GPBP1: variants seen among roughly 807,000 people sequenced by gnomAD.
GPBP1 encodes GC-rich promoter binding protein 1.
GPBP1 carries 13 observed loss-of-function variants against 56.5 expected under a neutral mutation model. The observed-to-expected ratio is 0.23, with a 90% CI of 0.15 to 0.37. The LOEUF (loss-of-function observed/expected upper bound fraction) is 0.37, where lower values mean the gene tolerates loss of function less well. Among genes scored for constraint, GPBP1 ranks in the 10% least tolerant of loss-of-function variants. GPBP1 has a pLI of 1.00. For missense variants in GPBP1, 477 were observed against 572.3 expected (o/e 0.83, Z 1.70); for synonymous variants, 204 against 188.9 (o/e 1.08, Z -0.66).
chr5:57,192,575 G>T (rs770019644), intron 2 of GPBP1, among the ~76,000 whole-genome samples: 1 of 151,920 alleles, frequency 6.6e-6, no homozygotes, highest in Non-Finnish European at 1.5e-5. Context: ...CCAACATGGA[G>T]AAACTCCGTC....
intron 11 of GPBP1, 65 bp downstream of exon 11, chr5:57,261,347 A>G: frequency 1.1e-6 from 1 of 877,404 alleles, no homozygotes; most frequent in East Asian, 2.5e-5. Flanking sequence ...ATATAATTAT[A>G]TGTAAGCATG....
Position 57,186,626 on chromosome 5 carries a change from A to G in GPBP1, c.-58+10226A>G, listed in dbSNP as rs1034308942. On this transcript the variant is annotated intron_variant, in intron 2 of 11. Coordinates refer to ENST00000506184, the MANE Select transcript of GPBP1 (RefSeq NM_022913.4). ...CACTCTGTCACCCAGGCTGGAGTGC[A>G]GTGGCGTAATTAACAGGTCTCTGCA... is the stretch of plus-strand genomic sequence containing the variant. 4.1e-4 allele frequency among the ~76,000 whole-genome samples: 62 copies of G among 152,106 alleles called. 1 individual carries two copies. The highest frequency in any genetic ancestry group is 1.2e-4 in the Non-Finnish European group (8 of 68,016).
intron 2 of GPBP1, among the ~76,000 whole-genome samples, chr5:57,206,799 A>G (rs1396373806): frequency 6.6e-6 from 1 of 152,206 alleles, no homozygotes; most frequent in East Asian, 1.9e-4. Flanking sequence ...TAACTTGGAT[A>G]TAAATGTGTG....
Position 57,190,540 on chromosome 5 carries a change from C to T in GPBP1, c.-58+14140C>T, listed in dbSNP as rs182294695. On this transcript the variant is annotated intron_variant, in intron 2 of 11. Transcript: ENST00000506184. Reference sequence around the variant, plus strand: ...TGGAGGTTGCAGTGAGCTGAGATCACGCCACTGCACTCCAGCCTGGGTGAC... The same window carrying T: ...TGGAGGTTGCAGTGAGCTGAGATCATGCCACTGCACTCCAGCCTGGGTGAC... Among the ~76,000 whole-genome samples the T allele has an allele frequency of 3.1e-3, 468 of 150,542 alleles. 4 individuals are homozygous for T. Among genetic ancestry groups the T allele is most frequent in the African/African-American group, 0.011 (447 of 40,952 alleles).
Position 57,242,335 on chromosome 5 carries a change from C to G in GPBP1, c.479-3965C>G, listed in dbSNP as rs549344462. Among the ~76,000 whole-genome samples, 5 of 152,218 alleles carry G rather than the reference C, an allele frequency of 3.3e-5. No homozygotes were observed. The South Asian group carries it at 1.0e-3, about 32-fold the overall frequency. On this transcript the variant is annotated intron_variant, in intron 6 of 11. Transcript: ENST00000506184. ...AATAATTATTTGAATATGAAACATT[C>G]CACAGTAAATCCCAGACAAGAGCTA...
intron 2 of GPBP1, among the ~76,000 whole-genome samples, chr5:57,200,352 A>G (rs1333536381): frequency 1.4e-5 from 2 of 147,402 alleles, no homozygotes; most frequent in Non-Finnish European, 3.0e-5. Context: ...TTGAGTAAAT[A>G]AGTTTGAATT....
chr5:57,255,709 C>CA (rs1741627042), intron 10 of GPBP1, among the ~76,000 whole-genome samples: 1 of 152,034 alleles, frequency 6.6e-6, no homozygotes, highest in South Asian at 2.1e-4. Flanking sequence ...TACTTAGTAG[C>CA]AAAAAAACAG....
intron 3 of GPBP1, among the ~76,000 whole-genome samples, chr5:57,229,099 T>A (rs1756322998): frequency 6.6e-6 from 1 of 151,334 alleles, no homozygotes; most frequent in South Asian, 2.1e-4. Flanking sequence ...GTTGTGGTGG[T>A]GGGTGCCTGT....
At chr5:57,189,935 A>G (rs1754446186) in intron 2 of GPBP1, among the ~76,000 whole-genome samples, 1 of 152,086 alleles carries the variant, frequency 6.6e-6, no homozygotes, top group East Asian at 1.9e-4. Context: ...TTCTCTAACC[A>G]TTTTGTGTAA....
rs549571029 is a variant in GPBP1 at position 57,251,630 on chromosome 5, T to C, written c.1160+489T>C. On this transcript the variant is annotated intron_variant, in intron 10 of 11. Transcript: ENST00000506184. ...AGTCCAATCTACTTTTTGACTGTTT[T>C]GGATAATGCTGCTGTGAACATTCAT... Among the ~76,000 whole-genome samples, 12 of 152,116 alleles carry C rather than the reference T, an allele frequency of 7.9e-5. No individual in the cohort carries two copies. In the South Asian group the frequency reaches 2.3e-3, roughly 29 times the overall value.
Position 57,263,516 on chromosome 5 carries a change from C to A in GPBP1, c.*764C>A, listed in dbSNP as rs1444305756. 1 of 152,106 alleles carries A rather than the reference C, an allele frequency of 6.6e-6. No homozygotes were observed. The highest frequency in any genetic ancestry group is 1.5e-5 in the Non-Finnish European group (1 of 68,012). The allele number at this position is 152,106 out of a possible 1,614,324, so 9.4% of individuals were successfully genotyped here. ...GAAAACTTATTTTGATAAATTATTACACACGCAGAAAAACTGATCACACTG... is the reference window on the plus strand; with the variant it reads ...GAAAACTTATTTTGATAAATTATTAAACACGCAGAAAAACTGATCACACTG... On this transcript the variant is annotated 3_prime_UTR_variant, in exon 12 of 12. Transcript: ENST00000506184.
intron 2 of GPBP1, among the ~76,000 whole-genome samples, chr5:57,189,318 C>T (rs533518821): frequency 6.6e-6 from 1 of 152,316 alleles, no homozygotes; most frequent in Admixed American, 6.5e-5. Flanking sequence ...GGGGCTTTGT[C>T]ATGTTGGCCA....
intron 3 of GPBP1, among the ~76,000 whole-genome samples, chr5:57,227,875 A>G (rs1756266061): frequency 6.6e-6 from 1 of 152,214 alleles, no homozygotes; most frequent in African/African-American, 2.4e-5. Context: ...ATAGTAAAAT[A>G]TGAGTAAGAA....
At chr5:57,198,720 G>A (rs1384046134) in intron 2 of GPBP1, among the ~76,000 whole-genome samples, 5 of 152,036 alleles carry the variant, frequency 3.3e-5, no homozygotes, top group East Asian at 1.9e-4. Context: ...ATGGTGGCGC[G>A]TGCCTGTAAT....
intron 6 of GPBP1, among the ~76,000 whole-genome samples, chr5:57,236,577 A>G (rs1233975319): frequency 6.6e-6 from 1 of 152,132 alleles, no homozygotes; most frequent in Non-Finnish European, 1.5e-5. Context: ...GCTTAATGAG[A>G]GTTCTTCTAG....
At position 57,217,130 on chromosome 5, in the gene GPBP1, G is replaced by A. The variant is rs146170737; in HGVS notation, c.63+2937G>A. On this transcript the variant is annotated intron_variant, in intron 3 of 11. Transcript: ENST00000506184. Reference sequence around the variant, plus strand: ...AATGGACTTTTTTGATAGATTATATGCCACTAGTGATTTCTTTAATAGTCT... The same window carrying A: ...AATGGACTTTTTTGATAGATTATATACCACTAGTGATTTCTTTAATAGTCT... Among the ~76,000 whole-genome samples, 307 of 152,236 alleles carry A rather than the reference G, an allele frequency of 2.0e-3. 2 individuals are homozygous for A. The highest frequency in any genetic ancestry group is 7.0e-3 in the African/African-American group (291 of 41,532).
In GPBP1 at chr5:57,240,201, C is replaced by T. The variant is rs141384023; in HGVS notation, c.478+4169C>T. 3.2e-3 allele frequency among the ~76,000 whole-genome samples: 486 copies of T among 151,340 alleles called. 4 individuals are homozygous for T. The highest frequency in any genetic ancestry group is 0.011 in the African/African-American group (460 of 41,232). On this transcript the variant is annotated intron_variant, in intron 6 of 11. Transcript: ENST00000506184. The stretch of plus-strand genomic sequence containing the variant: ...ATGATTTCCAGGTTGCAGTGAGCTA[C>T]GATTGTGCCGCTGCACTCCAGCCTG...
At chr5:57,202,846 T>C (rs1224127262) in intron 2 of GPBP1, among the ~76,000 whole-genome samples, 3 of 152,222 alleles carry the variant, frequency 2.0e-5, no homozygotes, top group Admixed American at 2.0e-4. Context: ...AATGAGTTGA[T>C]TTAAATTAAA....
At chr5:57,182,342 C>T (rs955813427) in intron 2 of GPBP1, among the ~76,000 whole-genome samples, 1 of 150,946 alleles carries the variant, frequency 6.6e-6, no homozygotes, top group Non-Finnish European at 1.5e-5. Flanking sequence ...CCTCAGCCTC[C>T]CAAAGTGCTG....
Sources: gnomAD v4.1 joint callset for allele counts (sites outside exome capture counted in the v4.1 genomes callset) on GRCh38, gnomAD v4.1.1 for gene constraint, MANE v1.5 for transcripts, NCBI Gene and HGNC (gene_info 2026-07-23, HGNC 2026-07-21) for gene names.